ULK4: variants seen among roughly 807,000 people sequenced by gnomAD.
ULK4 encodes inactive serine/threonine-protein kinase ULK4.
A neutral mutation model predicts 160.6 loss-of-function variants in ULK4; 133 were observed. The ratio of observed to expected loss-of-function variants is 0.83; its 90% CI spans 0.72 to 0.96. The LOEUF (loss-of-function observed/expected upper bound fraction) is 0.96, where lower values mean the gene tolerates loss of function less well. Ranked by LOEUF, ULK4 falls within the 40% of genes least tolerant of loss-of-function variation. The pLI, the probability that ULK4 is intolerant of heterozygous loss-of-function variation, is 0.00. For missense variants in ULK4, 1,580 were observed against 1,499.5 expected (o/e 1.05, Z -0.89); for synonymous variants, 534 against 539.8 (o/e 0.99, Z 0.15).
chr3:41,819,416 G>A lies in ULK4; in HGVS notation c.1848+7C>T, dbSNP rs757166555. 1.9e-6 allele frequency: 3 copies of A among 1,613,406 alleles called. No homozygotes were observed. Among genetic ancestry groups the A allele is most frequent in the Admixed American group, 1.7e-5 (1 of 59,922 alleles). Reference sequence around the variant, plus strand: ...AGCATCTACAGAGGACAACAAAGGAGCCTTACCCCTTCCCGAAGGCACCTC... The same window carrying A: ...AGCATCTACAGAGGACAACAAAGGAACCTTACCCCTTCCCGAAGGCACCTC... On this transcript the variant is annotated splice_region_variant and intron_variant, in intron 19 of 36. Coordinates refer to ENST00000301831, the MANE Select transcript of ULK4 (RefSeq NM_017886.4).
intron 32 of ULK4, among the ~76,000 whole-genome samples, chr3:41,547,975 C>T (rs1306976038): frequency 6.6e-6 from 1 of 152,156 alleles, no homozygotes; most frequent in Non-Finnish European, 1.5e-5. Flanking sequence ...CCAACAGCAA[C>T]CCTGTACTCA....
chr3:41,729,680 C>T (rs55842241), intron 22 of ULK4, among the ~76,000 whole-genome samples: 20,291 of 152,222 alleles, frequency 0.13, 4,411 homozygotes, highest in African/African-American at 0.45. Flanking sequence ...TGAGGAGCAG[C>T]TGAGCTGCCA....
chr3:41,550,250 G>C (rs529967559), intron 32 of ULK4, among the ~76,000 whole-genome samples: 4 of 152,062 alleles, frequency 2.6e-5, no homozygotes, highest in African/African-American at 7.2e-5. Flanking sequence ...AAAACAACCA[G>C]AAGATAAATT....
At chr3:41,331,803 C>G (rs1171919454) in intron 35 of ULK4, among the ~76,000 whole-genome samples, 1 of 152,136 alleles carries the variant, frequency 6.6e-6, no homozygotes, top group Non-Finnish European at 1.5e-5. Context: ...CAATTAGTCT[C>G]TGTTTGACTG....
chr3:41,677,092 A>G (rs1428175647), intron 29 of ULK4, among the ~76,000 whole-genome samples: 1 of 151,458 alleles, frequency 6.6e-6, no homozygotes, highest in Non-Finnish European at 1.5e-5. Context: ...TTTTTTTTCT[A>G]GAGATGGGGT....
chr3:41,382,171 A>G (rs371574292), intron 35 of ULK4, among the ~76,000 whole-genome samples: 9 of 152,104 alleles, frequency 5.9e-5, no homozygotes, highest in Non-Finnish European at 1.0e-4. Flanking sequence ...CCTATGTAAA[A>G]TACCACATAG....
At chr3:41,283,781 C>T (rs1327419198) in intron 35 of ULK4, among the ~76,000 whole-genome samples, 1 of 151,284 alleles carries the variant, frequency 6.6e-6, no homozygotes, top group African/African-American at 2.4e-5. Flanking sequence ...TACCGTAGAA[C>T]AAACAAACAA....
At chr3:41,551,017 C>T (rs1575400110) in intron 32 of ULK4, among the ~76,000 whole-genome samples, 1 of 151,340 alleles carries the variant, frequency 6.6e-6, no homozygotes, top group East Asian at 1.9e-4. Flanking sequence ...AACAAATTTG[C>T]TCCTGAATGA....
chr3:41,831,893 T>G (rs1422908619), intron 18 of ULK4, among the ~76,000 whole-genome samples: 4 of 152,144 alleles, frequency 2.6e-5, no homozygotes, highest in African/African-American at 9.7e-5. Context: ...TCTTTTTTAT[T>G]GCTGCATAGT....
chr3:41,693,050 A>T (rs955947172), intron 27 of ULK4, among the ~76,000 whole-genome samples: 1 of 152,240 alleles, frequency 6.6e-6, no homozygotes, highest in African/African-American at 2.4e-5. Context: ...TTGCATCACT[A>T]AACCTTATTT....
chr3:41,297,915 A>G (rs1053174219), intron 35 of ULK4, among the ~76,000 whole-genome samples: 2 of 152,220 alleles, frequency 1.3e-5, no homozygotes, highest in Non-Finnish European at 2.9e-5. Flanking sequence ...CTTTCCTGGC[A>G]ATGTTACACA....
chr3:41,959,274 G>T (rs1029081898), intron 1 of ULK4, among the ~76,000 whole-genome samples: 6 of 150,548 alleles, frequency 4.0e-5, no homozygotes, highest in African/African-American at 1.5e-4. Context: ...CTGAGGCAGA[G>T]AATTGCTTGG....
chr3:41,252,283 A>G (rs1003775794), intron 35 of ULK4, among the ~76,000 whole-genome samples: 5 of 152,234 alleles, frequency 3.3e-5, no homozygotes, highest in Non-Finnish European at 7.3e-5. Context: ...GACATGAAAA[A>G]AGACAATCAA....
At chr3:41,298,558 G>C (rs747565790) in intron 35 of ULK4, among the ~76,000 whole-genome samples, 14 of 152,144 alleles carry the variant, frequency 9.2e-5, no homozygotes, top group Admixed American at 2.6e-4. Flanking sequence ...CTAGCTGCAA[G>C]AAATACAGGT....
At chr3:41,887,212 T>C (rs1228302850) in intron 16 of ULK4, among the ~76,000 whole-genome samples, 1 of 152,234 alleles carries the variant, frequency 6.6e-6, no homozygotes, top group African/African-American at 2.4e-5. Context: ...ATCTTTCTTA[T>C]GCCTGGTAGG....
At chr3:41,581,818 G>A (rs929451594) in intron 31 of ULK4, among the ~76,000 whole-genome samples, 2 of 152,194 alleles carry the variant, frequency 1.3e-5, no homozygotes, top group African/African-American at 2.4e-5. Flanking sequence ...GGAAGGAGAT[G>A]CAAATGATCT....
At chr3:41,378,334 C>G (rs959166586) in intron 35 of ULK4, among the ~76,000 whole-genome samples, 2 of 151,208 alleles carry the variant, frequency 1.3e-5, no homozygotes, top group African/African-American at 4.9e-5. Flanking sequence ...TGTAACTAAC[C>G]TGCACAATGT....
At chr3:41,331,959 A>G (rs2080451265) in intron 35 of ULK4, among the ~76,000 whole-genome samples, 1 of 152,192 alleles carries the variant, frequency 6.6e-6, no homozygotes, top group Non-Finnish European at 1.5e-5. Context: ...CTATGGTATG[A>G]TTTTTCTTTT....
intron 34 of ULK4, among the ~76,000 whole-genome samples, chr3:41,418,110 C>A (rs116333582): frequency 6.6e-6 from 1 of 152,126 alleles, no homozygotes; most frequent in Admixed American, 6.5e-5. Flanking sequence ...TTTGCCTTAT[C>A]GCTTTTTCAC....
Sources: allele counts gnomAD v4.1 joint callset (sites outside exome capture counted in the v4.1 genomes callset), GRCh38; gene constraint gnomAD v4.1.1; transcripts MANE v1.5; gene names NCBI Gene and HGNC (gene_info 2026-07-23, HGNC 2026-07-21).